Variants in ACTR3C observed in about 807,000 individuals in gnomAD.
ACTR3C encodes the protein actin related protein 3C, also known as actin-related protein 3C.
A neutral mutation model predicts 26.3 loss-of-function variants in ACTR3C; 18 were observed. The ratio of observed to expected loss-of-function variants is 0.68; its 90% CI spans 0.47 to 1.01. ACTR3C has a LOEUF of 1.01. ACTR3C is among the 50% of genes least tolerant of loss of function. The pLI is 0.00. For synonymous variants in ACTR3C, 55 were observed against 94.5 expected (o/e 0.58, Z 2.42); for missense variants, 184 against 250.7 (o/e 0.73, Z 1.80).
At chr7:150,007,340 T>C in the ACTR3C span, among the ~76,000 whole-genome samples, 3 of 152,188 alleles carry the variant, frequency 2.0e-5, no homozygotes, top group Admixed American at 6.5e-5. Flanking sequence ...TACAACAAAA[T>C]AGTCTGGTCT....
chr7:150,122,190 C>A, the ACTR3C span, among the ~76,000 whole-genome samples: 2 of 152,140 alleles, frequency 1.3e-5, no homozygotes, highest in Non-Finnish European at 2.9e-5. Context: ...TTGACTAAAA[C>A]GCCAAAAGCA....
chr7:150,129,147 A>T, the ACTR3C span, among the ~76,000 whole-genome samples: 2 of 151,492 alleles, frequency 1.3e-5, no homozygotes, highest in Non-Finnish European at 3.0e-5. Flanking sequence ...CTAAATAATC[A>T]CACGTCAAAA....
the ACTR3C span, among the ~76,000 whole-genome samples, chr7:150,104,759 A>G: frequency 5.3e-5 from 8 of 152,036 alleles, no homozygotes; most frequent in South Asian, 2.1e-4. Context: ...CATAAATAGC[A>G]CGGTCAACAA....
the ACTR3C span, among the ~76,000 whole-genome samples, chr7:149,908,613 A>G: frequency 6.6e-6 from 1 of 152,194 alleles, no homozygotes; most frequent in Non-Finnish European, 1.5e-5. Flanking sequence ...AAAGCCTGTT[A>G]TTACAACATC....
chr7:150,320,221 A>G (rs1797362508), intron 1 of ACTR3C, among the ~76,000 whole-genome samples: 1 of 152,234 alleles, frequency 6.6e-6, no homozygotes, highest in South Asian at 2.1e-4. Context: ...GTAAAGTTTA[A>G]ATGGTTTATT....
At chr7:150,003,687 T>C in the ACTR3C span, among the ~76,000 whole-genome samples, 2 of 152,200 alleles carry the variant, frequency 1.3e-5, no homozygotes, top group African/African-American at 4.8e-5. Context: ...GTGTGTGTGG[T>C]GTGTTTGTGT....
chr7:149,973,141 C>G, the ACTR3C span, among the ~76,000 whole-genome samples: 1 of 152,182 alleles, frequency 6.6e-6, no homozygotes, highest in African/African-American at 2.4e-5. Context: ...CACATTTGTC[C>G]CAGGTAAGCC....
chr7:150,137,378 A>G, the ACTR3C span, among the ~76,000 whole-genome samples: 1 of 152,152 alleles, frequency 6.6e-6, no homozygotes, highest in Non-Finnish European at 1.5e-5. Flanking sequence ...AATCATCTAC[A>G]CTAAAGCCCC....
At chr7:150,010,786 G>A in the ACTR3C span, among the ~76,000 whole-genome samples, 1 of 149,324 alleles carries the variant, frequency 6.7e-6, no homozygotes, top group Admixed American at 6.7e-5. Context: ...GCTCAGAAAC[G>A]AGCCCTGAAA....
the ACTR3C span, among the ~76,000 whole-genome samples, chr7:150,159,011 A>AG: frequency 3.0e-5 from 4 of 132,484 alleles, no homozygotes; most frequent in Admixed American, 3.1e-4. Context: ...ACGCACATTC[A>AG]GCACACACAC....
the ACTR3C span, among the ~76,000 whole-genome samples, chr7:149,901,206 A>G: frequency 6.6e-6 from 1 of 152,168 alleles, no homozygotes; most frequent in Non-Finnish European, 1.5e-5. Context: ...GAGAGGAGTA[A>G]GTGTAATTAT....
chr7:149,995,000 A>G, the ACTR3C span, among the ~76,000 whole-genome samples: 12 of 150,216 alleles, frequency 8.0e-5, no homozygotes, highest in African/African-American at 1.2e-4. Context: ...GATTACATGC[A>G]CCCGCCACAG....
the ACTR3C span, among the ~76,000 whole-genome samples, chr7:150,159,368 T>A: frequency 2.6e-5 from 4 of 152,122 alleles, no homozygotes; most frequent in African/African-American, 9.7e-5. Context: ...CCCCACAGCT[T>A]CCAGGTAGAG....
the ACTR3C span, among the ~76,000 whole-genome samples, chr7:150,076,386 A>G: frequency 6.6e-6 from 1 of 152,204 alleles, no homozygotes; most frequent in Non-Finnish European, 1.5e-5. Flanking sequence ...GCTCACATAT[A>G]AATATATCTA....
chr7:150,053,667 G>T, the ACTR3C span, among the ~76,000 whole-genome samples: 5 of 152,224 alleles, frequency 3.3e-5, no homozygotes, highest in Non-Finnish European at 7.3e-5. Flanking sequence ...TAAAGATAGG[G>T]TCAGTCAAAT....
At chr7:150,280,429 CTG>C (rs1469262861) in intron 6 of ACTR3C, among the ~76,000 whole-genome samples, 1 of 152,176 alleles carries the variant, frequency 6.6e-6, no homozygotes, top group East Asian at 1.9e-4. Flanking sequence ...TCTAAAAAAA[CTG>C]TTTTGCTTGT....
At chr7:150,199,659 AAAAT>A in the ACTR3C span, among the ~76,000 whole-genome samples, 2 of 144,836 alleles carry the variant, frequency 1.4e-5, no homozygotes, top group East Asian at 2.0e-4. Context: ...TAAATAAAAA[AAAAT>A]AAAACATTAA....
chr7:150,155,609 TTTCTCTGACTTCTAGTGTCCTGTGCC>T, the ACTR3C span, among the ~76,000 whole-genome samples: 1 of 149,858 alleles, frequency 6.7e-6, no homozygotes, highest in Non-Finnish European at 1.5e-5. Context: ...GTCTCAAAAG[TTTCTCTGACTTCTAGTGTCCTGTGCC>T]TCTGTGGTCT....
the ACTR3C span, among the ~76,000 whole-genome samples, chr7:150,144,902 T>A: frequency 6.6e-6 from 1 of 151,914 alleles, no homozygotes; most frequent in African/African-American, 2.4e-5. This position sits in a 1 kb window ranked among gnomAD's most constrained non-coding sequence, Gnocchi z 4.6. Context: ...ACAAAAAAAT[T>A]AGCTGGGCGT....
Sources: gnomAD v4.1 joint callset for allele counts (sites outside exome capture counted in the v4.1 genomes callset) on GRCh38, gnomAD v4.1.1 for gene constraint, Gnocchi (gnomAD v3.1) non-coding constraint, MANE v1.5 for transcripts, NCBI Gene and HGNC (gene_info 2026-07-23, HGNC 2026-07-21) for gene names.